The following SRD5A2 variants were observed in gnomAD, a reference collection of about 807,000 sequenced individuals.
SRD5A2 encodes steroid 5 alpha-reductase 2.
A neutral mutation model predicts 27.4 loss-of-function variants in SRD5A2; 30 were observed. That is an observed-to-expected ratio of 1.10 (90% CI 0.82 to 1.49). The LOEUF (loss-of-function observed/expected upper bound fraction) is 1.49, where lower values mean the gene tolerates loss of function less well. Ranked by LOEUF, SRD5A2 falls within the 40% of genes most tolerant of loss-of-function variation. The pLI, the probability that SRD5A2 is intolerant of heterozygous loss-of-function variation, is 0.00. For synonymous variants in SRD5A2, 141 were observed against 133.6 expected (o/e 1.06, Z -0.38); for missense variants, 348 against 323.4 (o/e 1.08, Z -0.58).
chr2:31,599,545 G>C, the SRD5A2 span, among the ~76,000 whole-genome samples: 2,727 of 152,084 alleles, frequency 0.018, 55 homozygotes, highest in African/African-American at 0.038. Flanking sequence ...TAAACAACAT[G>C]CTTCTGAATG....
the SRD5A2 span, among the ~76,000 whole-genome samples, chr2:31,658,174 C>A: frequency 6.6e-6 from 1 of 151,986 alleles, no homozygotes; most frequent in Non-Finnish European, 1.5e-5. Context: ...TTCTTTGAAG[C>A]AAATGAAAAC....
rs191209761 is a variant in SRD5A2, at chr2:31,560,185, T to C, written c.281+20435A>G. Reference sequence around the variant, plus strand: ...TATATATGAACTCTTTCTGAAGTCCTGGCCCTATATCCTCTAATGGGACAT... The same window carrying C: ...TATATATGAACTCTTTCTGAAGTCCCGGCCCTATATCCTCTAATGGGACAT... On this transcript the variant is annotated intron_variant, in intron 1 of 4. Coordinates refer to ENST00000622030, the MANE Select transcript of SRD5A2 (RefSeq NM_000348.4). Among the ~76,000 whole-genome samples, 70 of 151,996 alleles carry C rather than the reference T, an allele frequency of 4.6e-4. No individual in the cohort carries two copies. The East Asian group carries it at 0.011, about 24-fold the overall frequency.
chr2:31,608,047 G>A, the SRD5A2 span, among the ~76,000 whole-genome samples: 5 of 151,942 alleles, frequency 3.3e-5, no homozygotes, highest in African/African-American at 1.2e-4. Context: ...TGGATTCCCA[G>A]ACTCCAAAAT....
the SRD5A2 span, among the ~76,000 whole-genome samples, chr2:31,597,329 G>C: frequency 6.6e-6 from 1 of 151,626 alleles, no homozygotes; most frequent in Admixed American, 6.6e-5. Flanking sequence ...ACTGAAGATG[G>C]ATCAAAAACT....
chr2:31,544,849 T>C (rs1666210815), intron 1 of SRD5A2, among the ~76,000 whole-genome samples: 1 of 151,622 alleles, frequency 6.6e-6, no homozygotes, highest in South Asian at 2.1e-4. Context: ...ATTACTAAAA[T>C]CATAAATAAA....
Position 31,529,419 on chromosome 2 carries a change from C to T in SRD5A2, c.586G>A (p.Gly196Ser), listed in dbSNP as rs121434250. The T allele has an allele frequency of 7.9e-5, 128 of 1,613,802 alleles. 1 individual carries two copies. Among genetic ancestry groups the T allele is most frequent in the African/African-American group, 3.7e-4 (28 of 75,022 alleles). ...FTYVSGANFL[G>S]EIIEWIGYAL... ...TAGCCGATCCATTCAATGATCTCAC[C>T]GAGGAAATTGGCTCCAGAAACATAC... is the stretch of plus-strand genomic sequence containing the variant. The change falls in exon 4 of 5, where the codon GGT (glycine) becomes AGT (serine). Residue 196 changes from glycine (G) to serine (S), a missense_variant. Coordinates refer to ENST00000622030, the MANE Select transcript of SRD5A2 (RefSeq NM_000348.4).
chr2:31,532,141 A>G (rs1665921113), intron 2 of SRD5A2, among the ~76,000 whole-genome samples: 1 of 152,206 alleles, frequency 6.6e-6, no homozygotes, highest in African/African-American at 2.4e-5. Flanking sequence ...GGGGAGACAC[A>G]AAGTGCCTGA....
chr2:31,615,419 G>C, the SRD5A2 span, among the ~76,000 whole-genome samples: 11 of 152,068 alleles, frequency 7.2e-5, no homozygotes, highest in Non-Finnish European at 1.6e-4. Flanking sequence ...GTTGGGAACT[G>C]GAGTAAAGGT....
the SRD5A2 span, among the ~76,000 whole-genome samples, chr2:31,610,522 C>T: frequency 4.1e-4 from 62 of 152,234 alleles, no homozygotes; most frequent in African/African-American, 1.3e-3. Flanking sequence ...GACAAGCCCA[C>T]AGCTATCATA....
At chr2:31,632,299 G>C in the SRD5A2 span, among the ~76,000 whole-genome samples, 8 of 152,152 alleles carry the variant, frequency 5.3e-5, no homozygotes, top group African/African-American at 1.9e-4. Context: ...TCTGGAACAC[G>C]GAAAGCCTGG....
At chr2:31,653,662 T>A in the SRD5A2 span, among the ~76,000 whole-genome samples, 1 of 151,402 alleles carries the variant, frequency 6.6e-6, no homozygotes, top group African/African-American at 2.4e-5. Context: ...CAAACTCCAA[T>A]TTTTTTTTCT....
chr2:31,580,493 T>C, intron 1 of SRD5A2, 127 bp downstream of exon 1: 2 of 1,222,474 alleles, frequency 1.6e-6, no homozygotes, highest in Non-Finnish European at 1.1e-6. Flanking sequence ...CAGGCTGGCC[T>C]CCGCGTTCCT....
the SRD5A2 span, among the ~76,000 whole-genome samples, chr2:31,631,418 G>A: frequency 6.6e-6 from 1 of 152,116 alleles, no homozygotes; most frequent in South Asian, 2.1e-4. Flanking sequence ...GACACTCTAC[G>A]ACTAATGCTT....
chr2:31,546,972 C>A (rs1187148950), intron 1 of SRD5A2, among the ~76,000 whole-genome samples: 1 of 152,004 alleles, frequency 6.6e-6, no homozygotes, highest in Non-Finnish European at 1.5e-5. Flanking sequence ...GTGGCACATG[C>A]CTGTAATCCC....
Position 31,551,024 on chromosome 2 carries a change from A to G in SRD5A2, c.282-17258T>C, listed in dbSNP as rs575674029. ...TAATAGATTATTTCAGTGAATTTGC[A>G]GGATACAAAATACACAATTAAATTT... On this transcript the variant is annotated intron_variant, in intron 1 of 4. Coordinates refer to ENST00000622030, the MANE Select transcript of SRD5A2 (RefSeq NM_000348.4). 8.5e-5 allele frequency among the ~76,000 whole-genome samples: 13 copies of G among 152,200 alleles called. No homozygotes were observed. The South Asian group carries it at 2.5e-3, about 29-fold the overall frequency.
intron 4 of SRD5A2, 92 bp from the exon 5 acceptor site, chr2:31,526,354 C>A: frequency 1.2e-6 from 1 of 826,728 alleles, no homozygotes; most frequent in Non-Finnish European, 2.0e-6. Flanking sequence ...ACAAGTCAAC[C>A]TACAGTTATT....
chr2:31,586,850 C>G, the SRD5A2 span, among the ~76,000 whole-genome samples: 1 of 152,092 alleles, frequency 6.6e-6, no homozygotes, highest in Admixed American at 6.6e-5. Flanking sequence ...TCAAGATAAT[C>G]CAGGAAAACA....
intron 1 of SRD5A2, among the ~76,000 whole-genome samples, chr2:31,540,499 G>T (rs1392222715): frequency 3.9e-5 from 6 of 152,128 alleles, no homozygotes; most frequent in Non-Finnish European, 8.8e-5. Flanking sequence ...AATAAAAAGG[G>T]GAAAAGATGT....
chr2:31,590,361 G>T, the SRD5A2 span, among the ~76,000 whole-genome samples: 3 of 152,122 alleles, frequency 2.0e-5, no homozygotes, highest in Non-Finnish European at 4.4e-5. Context: ...ACTGAGCAGT[G>T]GTTTGCAGTT....
Sources: gnomAD v4.1 joint callset for allele counts (sites outside exome capture counted in the v4.1 genomes callset) on GRCh38, gnomAD v4.1.1 for gene constraint, MANE v1.5 for transcripts, NCBI Gene and HGNC (gene_info 2026-07-23, HGNC 2026-07-21) for gene names.